The following IL1RAPL2 variants were observed in gnomAD, a reference collection of about 807,000 sequenced individuals.
IL1RAPL2 encodes the protein interleukin 1 receptor accessory protein like 2.
Under a neutral mutation model 44.1 loss-of-function variants are expected in IL1RAPL2, and 3 were observed. The observed-to-expected ratio is 0.07, with a 90% confidence interval of 0.03 to 0.18. The LOEUF (loss-of-function observed/expected upper bound fraction) is 0.18. Among genes scored for constraint, IL1RAPL2 ranks in the 10% least tolerant of loss-of-function variants. IL1RAPL2 has a pLI of 1.00. For synonymous variants in IL1RAPL2, 181 were observed against 178.8 expected, an observed-to-expected ratio of 1.01 and a Z score of -0.10; for missense variants, 391 against 496.4, an observed-to-expected ratio of 0.79 and a Z score of 2.02.
chrX:105,486,580 T>G (rs1056115128), intron 6 of IL1RAPL2, among the ~76,000 whole-genome samples: 5 of 111,268 alleles, frequency 4.5e-5, no homozygotes, highest in African/African-American at 1.6e-4. Flanking sequence ...TACCTTGAAC[T>G]GGGATAAAAA....
At chrX:104,718,641 C>T (rs1284246241) in intron 2 of IL1RAPL2, among the ~76,000 whole-genome samples, 1 of 111,193 alleles carries the variant, frequency 9.0e-6, no homozygotes, top group Non-Finnish European at 1.9e-5. Flanking sequence ...TTTCCTGAGG[C>T]CTCTCCAGCC....
At chrX:104,978,054 C>T (rs1249405956) in intron 2 of IL1RAPL2, among the ~76,000 whole-genome samples, 2 of 111,329 alleles carry the variant, frequency 1.8e-5, no homozygotes, top group Non-Finnish European at 3.8e-5. Flanking sequence ...GGTCCAGAAC[C>T]CAAGCCCCAC....
intron 7 of IL1RAPL2, among the ~76,000 whole-genome samples, chrX:105,738,837 T>A (rs139234256): frequency 5.8e-4 from 64 of 110,263 alleles, no homozygotes; most frequent in African/African-American, 2.0e-3. Context: ...CTTTGCAGCT[T>A]TAAAAAAAGC....
At chrX:104,983,677 A>ATG (rs2030507711) in intron 2 of IL1RAPL2, among the ~76,000 whole-genome samples, 1 of 99,271 alleles carries the variant, frequency 1.0e-5, no homozygotes, top group Non-Finnish European at 2.0e-5. Context: ...ACATAATATT[A>ATG]TATACATAAT....
chrX:105,138,042 C>G (rs187135667), intron 2 of IL1RAPL2, among the ~76,000 whole-genome samples: 1 of 111,895 alleles, frequency 8.9e-6, no homozygotes, highest in Admixed American at 9.5e-5. Context: ...CACTGCACTC[C>G]AGCCTGGGTG....
intron 5 of IL1RAPL2, among the ~76,000 whole-genome samples, chrX:105,415,247 T>A (rs890191143): frequency 1.8e-5 from 2 of 112,053 alleles, no homozygotes; most frequent in Non-Finnish European, 3.8e-5. Flanking sequence ...AGGCATAATA[T>A]GTATATCCAC....
chrX:104,768,299 T>C (rs943302502), intron 2 of IL1RAPL2, among the ~76,000 whole-genome samples: 5 of 111,643 alleles, frequency 4.5e-5, no homozygotes, highest in Middle Eastern at 9.1e-3. Context: ...GCCTAACTAG[T>C]CTTCCTGCCT....
intron 2 of IL1RAPL2, among the ~76,000 whole-genome samples, chrX:104,865,036 A>G (rs1922581375): frequency 9.1e-6 from 1 of 110,001 alleles, no homozygotes; most frequent in Non-Finnish European, 1.9e-5. Context: ...TAATTGGCAT[A>G]GACATACTTA....
At chrX:104,826,992 A>G (rs1377871248) in intron 2 of IL1RAPL2, among the ~76,000 whole-genome samples, 3 of 69,746 alleles carry the variant, frequency 4.3e-5, no homozygotes, top group African/African-American at 1.8e-4. Context: ...ATCTTCCTCC[A>G]TCCCTTTATT....
intron 5 of IL1RAPL2, among the ~76,000 whole-genome samples, chrX:105,380,884 C>A (rs2035424913): frequency 9.0e-6 from 1 of 111,169 alleles, no homozygotes; most frequent in African/African-American, 3.3e-5. Context: ...TTTCACTCTG[C>A]AGAATTGATA....
intron 2 of IL1RAPL2, among the ~76,000 whole-genome samples, chrX:105,117,517 T>C (rs1461479921): frequency 9.0e-6 from 1 of 111,587 alleles, no homozygotes; most frequent in East Asian, 2.8e-4. Flanking sequence ...TCTTGAATTG[T>C]AGTTTCCATA....
chrX:104,838,000 C>T (rs1197918260), intron 2 of IL1RAPL2, among the ~76,000 whole-genome samples: 1 of 111,664 alleles, frequency 9.0e-6, no homozygotes, highest in African/African-American at 3.3e-5. Context: ...TTAACCATTG[C>T]TTGTTTTTGT....
intron 3 of IL1RAPL2, among the ~76,000 whole-genome samples, chrX:105,208,123 G>A (rs1290928275): frequency 3.6e-5 from 4 of 111,045 alleles, no homozygotes; most frequent in East Asian, 5.7e-4. Flanking sequence ...AAATTTGGTC[G>A]GAACCTGGAT....
intron 5 of IL1RAPL2, among the ~76,000 whole-genome samples, chrX:105,375,885 C>A (rs1302669657): frequency 8.9e-6 from 1 of 111,805 alleles, no homozygotes; most frequent in African/African-American, 3.3e-5. Flanking sequence ...TTTTCAAAAC[C>A]AAAGCTCATG....
intron 6 of IL1RAPL2, among the ~76,000 whole-genome samples, chrX:105,582,831 T>C (rs2037098769): frequency 9.0e-6 from 1 of 111,109 alleles, no homozygotes; most frequent in African/African-American, 3.3e-5. Context: ...CTGCATGGCA[T>C]AAATCCCACG....
At chrX:105,046,754 A>G (rs987477073) in intron 2 of IL1RAPL2, among the ~76,000 whole-genome samples, 5 of 108,245 alleles carry the variant, frequency 4.6e-5, no homozygotes, top group East Asian at 2.9e-4. Context: ...TTGCTATTCT[A>G]TTAGACACCA....
At chrX:105,243,712 A>G (rs782059748) in intron 4 of IL1RAPL2, among the ~76,000 whole-genome samples, 20 of 109,068 alleles carry the variant, frequency 1.8e-4, no homozygotes, top group Non-Finnish European at 3.2e-4. Context: ...CTTAGCTAAA[A>G]TTACTGAGTT....
intron 2 of IL1RAPL2, among the ~76,000 whole-genome samples, chrX:104,920,410 G>A (rs1056278623): frequency 9.1e-6 from 1 of 109,416 alleles, no homozygotes; most frequent in Non-Finnish European, 1.9e-5. Context: ...TTAGAGGTGG[G>A]GCCTGGTGGG....
intron 4 of IL1RAPL2, among the ~76,000 whole-genome samples, chrX:105,246,609 G>A (rs1322613665): frequency 1.8e-5 from 2 of 111,453 alleles, no homozygotes; most frequent in East Asian, 5.7e-4. Flanking sequence ...GATGGATAAG[G>A]GGTTGAATTT....
Sources: allele counts gnomAD v4.1 joint callset (sites outside exome capture counted in the v4.1 genomes callset), GRCh38; gene constraint gnomAD v4.1.1; transcripts MANE v1.5; gene names NCBI Gene and HGNC (gene_info 2026-07-23, HGNC 2026-07-21).